The following EMILIN2 variants were observed in gnomAD, a reference collection of about 807,000 sequenced individuals.
EMILIN2 encodes the protein EMILIN-2.
Under a neutral mutation model 87.1 loss-of-function variants are expected in EMILIN2, and 71 were observed. The observed-to-expected ratio is 0.82, with a 90% CI of 0.67 to 0.99. The LOEUF (loss-of-function observed/expected upper bound fraction) is 0.99, where lower values mean the gene tolerates loss of function less well. EMILIN2 is among the 50% of genes least tolerant of loss of function. The pLI is 0.00. For missense variants in EMILIN2, 1,407 were observed against 1,371.8 expected, an observed-to-expected ratio of 1.03 and a Z score of -0.40; for synonymous variants, 581 against 563.4, an observed-to-expected ratio of 1.03 and a Z score of -0.44.
chr18:2,878,268 C>G (rs1297688950), intron 2 of EMILIN2, among the ~76,000 whole-genome samples: 1 of 152,110 alleles, frequency 6.6e-6, no homozygotes, highest in Non-Finnish European at 1.5e-5. Flanking sequence ...GGCCGGCAGA[C>G]CACCTGAGGT....
At position 2,892,204 on chromosome 18, in the gene EMILIN2, C is replaced by CAGGG. The variant is rs1277277679; in HGVS notation, c.2078_2081dup (p.Val695GlyfsTer82). Reference sequence around the variant, plus strand: ...GCTGGATGCTTGTAAGGAATGCACGCAGGGGGTCCAGAGGGAGGTCTCCAT... The same window carrying CAGGG: ...GCTGGATGCTTGTAAGGAATGCACGCAGGGAGGGGGTCCAGAGGGAGGTCTCCAT... On this transcript the variant is annotated frameshift_variant, in exon 4 of 8. Coordinates refer to ENST00000254528, the MANE Select transcript of EMILIN2 (RefSeq NM_032048.3). LOFTEE classifies it high-confidence loss of function. 2 of 1,607,468 alleles carry CAGGG rather than the reference C, an allele frequency of 1.2e-6. No individual in the cohort carries two copies. Among genetic ancestry groups the CAGGG allele is most frequent in the African/African-American group, 2.7e-5 (2 of 74,768 alleles).
At chr18:2,903,053 C>A (rs1444346724) in intron 4 of EMILIN2, among the ~76,000 whole-genome samples, 1 of 151,942 alleles carries the variant, frequency 6.6e-6, no homozygotes, top group East Asian at 1.9e-4. Flanking sequence ...ATTCTGTTTT[C>A]CCCTGAGTTT....
At chr18:2,846,842 T>C, upstream of EMILIN2, 2 of 985,200 alleles carry the variant, frequency 2.0e-6, no homozygotes, top group Non-Finnish European at 2.4e-6. This position sits in a 1 kb window ranked among gnomAD's most constrained non-coding sequence, Gnocchi z 5.3. Context: ...CTTTCGCCCC[T>C]CCACCCCGAG....
chr18:2,855,861 G>A (rs560213638), intron 2 of EMILIN2, among the ~76,000 whole-genome samples: 21 of 152,260 alleles, frequency 1.4e-4, no homozygotes, highest in Middle Eastern at 3.4e-3. Context: ...TCACACTAAC[G>A]TACTGCATAC....
At chr18:2,873,858 C>T (rs533019052) in intron 2 of EMILIN2, among the ~76,000 whole-genome samples, 7 of 152,288 alleles carry the variant, frequency 4.6e-5, no homozygotes, top group East Asian at 1.9e-4. Context: ...TCCCTGTAGA[C>T]GGGCAATTCC....
intron 2 of EMILIN2, among the ~76,000 whole-genome samples, chr18:2,877,282 C>T (rs1225589886): frequency 1.3e-5 from 2 of 152,064 alleles, no homozygotes; most frequent in African/African-American, 2.4e-5. Context: ...ACTTTTCCTT[C>T]GACCTAGTTT....
chr18:2,883,174 C>T (rs569501430), intron 2 of EMILIN2, among the ~76,000 whole-genome samples: 4 of 152,080 alleles, frequency 2.6e-5, no homozygotes, highest in East Asian at 3.9e-4. Context: ...CCAGTCCCAG[C>T]GGGGTGGATC....
chr18:2,850,193 G>A (rs2076595281), intron 2 of EMILIN2, among the ~76,000 whole-genome samples: 1 of 150,518 alleles, frequency 6.6e-6, no homozygotes, highest in African/African-American at 2.5e-5. Context: ...GCCCGCCTCA[G>A]CCTGCCAAAG....
chr18:2,879,618 A>G (rs571674229), intron 2 of EMILIN2, among the ~76,000 whole-genome samples: 1 of 151,986 alleles, frequency 6.6e-6, no homozygotes, highest in Admixed American at 6.5e-5. Flanking sequence ...CCAAGATCGC[A>G]CCACTGCACT....
intron 4 of EMILIN2, among the ~76,000 whole-genome samples, chr18:2,902,821 T>A (rs1488413072): frequency 6.6e-6 from 1 of 151,986 alleles, no homozygotes; most frequent in Non-Finnish European, 1.5e-5. Flanking sequence ...GCAACAAATT[T>A]GTGTGTGAAG....
At chr18:2,868,760 CG>C (rs2143987935) in intron 2 of EMILIN2, among the ~76,000 whole-genome samples, 1 of 152,192 alleles carries the variant, frequency 6.6e-6, no homozygotes, top group African/African-American at 2.4e-5. Context: ...AGTCCAGCTT[CG>C]GCTCGGCATC....
chr18:2,848,181 G>A lies in EMILIN2; in HGVS notation c.257+250G>A, dbSNP rs887688479. 6.6e-6 allele frequency among the ~76,000 whole-genome samples: 1 copy of A among 152,372 alleles called. No individual in the cohort carries two copies. The highest frequency in any genetic ancestry group is 2.1e-4 in the South Asian group (1 of 4,830). ...GGAGTGTGGGGTCGCGGGGGCGTAG[G>A]AGAGGATGAACAAAGCTCCCACTCC... On this transcript the variant is annotated intron_variant, in intron 2 of 7. Transcript: ENST00000254528. The surrounding 1 kb of genome is among the most constrained non-coding windows in gnomAD (Gnocchi z 4.1).
intron 4 of EMILIN2, among the ~76,000 whole-genome samples, chr18:2,905,401 A>G (rs2076905781): frequency 1.3e-5 from 2 of 151,862 alleles, no homozygotes; most frequent in African/African-American, 4.8e-5. Context: ...TATATGGGGT[A>G]CATGAGGTAT....
At chr18:2,901,755 A>G (rs1197140387) in intron 4 of EMILIN2, among the ~76,000 whole-genome samples, 2 of 152,268 alleles carry the variant, frequency 1.3e-5, no homozygotes, top group African/African-American at 4.8e-5. Flanking sequence ...GTCTCTTTCC[A>G]GAATGAGCAG....
chr18:2,887,081 T>C (rs1460010197), intron 3 of EMILIN2, among the ~76,000 whole-genome samples: 1 of 152,200 alleles, frequency 6.6e-6, no homozygotes, highest in African/African-American at 2.4e-5. Context: ...AAGCAAACTT[T>C]TTACCACTTT....
chr18:2,868,815 C>G (rs1319269490), intron 2 of EMILIN2, among the ~76,000 whole-genome samples: 1 of 151,042 alleles, frequency 6.6e-6, no homozygotes, highest in African/African-American at 2.4e-5. Context: ...GAGAGGGAGA[C>G]CAATTCTTCT....
chr18:2,890,880 C>A lies in EMILIN2; in HGVS notation c.753C>A (p.Val251=), dbSNP rs2076832359. ...GDTETGQSPG[V]FNTKESGMKD... is the part of the protein sequence containing the mutation. ...CAGAAACGGGCCAGAGTCCTGGTGTCTTCAACACTAAGGAATCTGGCATGA... is the reference window on the plus strand; with the variant it reads ...CAGAAACGGGCCAGAGTCCTGGTGTATTCAACACTAAGGAATCTGGCATGA... The change falls in exon 4 of 8, where the codon GTC becomes GTA. Residue 251 remains valine, a synonymous_variant. Transcript: ENST00000254528. This position sits in a 1 kb window ranked among gnomAD's most constrained non-coding sequence, Gnocchi z 4.7. 1.9e-6 allele frequency: 3 copies of A among 1,613,746 alleles called. No homozygotes were observed. The highest frequency in any genetic ancestry group is 2.5e-6 in the Non-Finnish European group (3 of 1,180,046).
rs190441618 is a variant in EMILIN2, at chr18:2,868,708, A to T, written c.258-16256A>T. ...GCACTCGGCAGGCTGAGGCAGGAGAATCAGGCAGGGAGGCTGCAGTGAGCC... is the reference window on the plus strand; with the variant it reads ...GCACTCGGCAGGCTGAGGCAGGAGATTCAGGCAGGGAGGCTGCAGTGAGCC... On this transcript the variant is annotated intron_variant, in intron 2 of 7. Transcript: ENST00000254528. Among the ~76,000 whole-genome samples the T allele has an allele frequency of 6.2e-3, 951 of 152,370 alleles. 17 individuals are homozygous for T. Among genetic ancestry groups the T allele is most frequent in the African/African-American group, 0.022 (900 of 41,598 alleles).
At chr18:2,887,914 A>G (rs2076811048) in intron 3 of EMILIN2, among the ~76,000 whole-genome samples, 1 of 152,116 alleles carries the variant, frequency 6.6e-6, no homozygotes, top group African/African-American at 2.4e-5. Context: ...TGATCCTCCC[A>G]CCTCAGCATC....
Sources: gnomAD v4.1 joint callset for allele counts (sites outside exome capture counted in the v4.1 genomes callset) on GRCh38, gnomAD v4.1.1 for gene constraint, Gnocchi (gnomAD v3.1) non-coding constraint, MANE v1.5 for transcripts, NCBI Gene and HGNC (gene_info 2026-07-23, HGNC 2026-07-21) for gene names.